SORBS2: variants seen among roughly 807,000 people sequenced by gnomAD.
SORBS2 encodes the protein sorbin and SH3 domain containing 2.
SORBS2 carries 46 observed loss-of-function variants against 97.7 expected under a neutral mutation model. The observed-to-expected ratio is 0.47, with a 90% CI of 0.37 to 0.60. SORBS2 has a LOEUF of 0.60. Among genes scored for constraint, SORBS2 ranks in the 20% least tolerant of loss-of-function variants. The probability of loss-of-function intolerance (pLI) is 0.00; values close to 1 mark genes in which losing one functional copy is unlikely to be tolerated. For synonymous variants in SORBS2, 476 were observed against 473.4 expected (o/e 1.01, Z -0.07); for missense variants, 1,316 against 1,282.3 (o/e 1.03, Z -0.40).
intron 1 of SORBS2, among the ~76,000 whole-genome samples, chr4:185,849,878 C>T (rs1313307797): frequency 6.6e-6 from 1 of 152,156 alleles, no homozygotes; most frequent in East Asian, 1.9e-4. Flanking sequence ...CAGTTCTAGG[C>T]TGCCAGAAAA....
At chr4:185,923,591 G>A (rs1430874826) in intron 1 of SORBS2, among the ~76,000 whole-genome samples, 1 of 148,866 alleles carries the variant, frequency 6.7e-6, no homozygotes, top group African/African-American at 2.5e-5. Context: ...GAACCACCGT[G>A]CCTGGCCAAT....
At chr4:185,829,560 C>T (rs1019897271) in intron 1 of SORBS2, among the ~76,000 whole-genome samples, 9 of 152,142 alleles carry the variant, frequency 5.9e-5, no homozygotes, top group South Asian at 2.1e-4. Flanking sequence ...TCCCCATCCC[C>T]GTTCCCACTA....
At chr4:185,612,814 G>A (rs1056828593) in intron 11 of SORBS2, among the ~76,000 whole-genome samples, 4 of 151,736 alleles carry the variant, frequency 2.6e-5, no homozygotes, top group African/African-American at 7.3e-5. Context: ...ATCTACATGC[G>A]CTAAGTAGTG....
chr4:185,649,734 C>A, intron 2 of SORBS2, 78 bp from the exon 12 acceptor site: 1 of 952,804 alleles, frequency 1.0e-6, no homozygotes, highest in South Asian at 3.9e-5. Flanking sequence ...TATTTGTCCC[C>A]CTCAAAATAG....
At chr4:185,910,080 G>A (rs937780101) in intron 1 of SORBS2, among the ~76,000 whole-genome samples, 1 of 151,894 alleles carries the variant, frequency 6.6e-6, no homozygotes, top group East Asian at 1.9e-4. Flanking sequence ...GAAAGGAAAT[G>A]TTAAGACACA....
At chr4:185,862,135 A>G (rs1206986360) in intron 1 of SORBS2, among the ~76,000 whole-genome samples, 4 of 151,414 alleles carry the variant, frequency 2.6e-5, no homozygotes, top group African/African-American at 7.3e-5. Context: ...GTGTATGTAT[A>G]TGTGTGTGTG....
chr4:185,690,598 A>G, intron 2 of SORBS2: 1 of 1,493,028 alleles, frequency 6.7e-7, no homozygotes, highest in Non-Finnish European at 9.1e-7. Flanking sequence ...TTGTTATTAA[A>G]GTCTTCAGTT....
Position 185,922,091 on chromosome 4 carries a change from C to T in SORBS2, c.-338+34105G>A, listed in dbSNP as rs548141182. Among the ~76,000 whole-genome samples, 101 of 152,336 alleles carry T rather than the reference C, an allele frequency of 6.6e-4. 1 individual carries two copies. The highest frequency in any genetic ancestry group is 2.3e-3 in the African/African-American group (96 of 41,576). On this transcript the variant is annotated intron_variant, in intron 1 of 20. Coordinates refer to the SORBS2 transcript ENST00000284776. ...TGAGCCCCTGATTTATTTACACTTGCCACAGCTCTAATCAGGCACATGGTA... is the reference window on the plus strand; with the variant it reads ...TGAGCCCCTGATTTATTTACACTTGTCACAGCTCTAATCAGGCACATGGTA...
At chr4:185,812,533 T>C (rs2099188562) in intron 1 of SORBS2, among the ~76,000 whole-genome samples, 1 of 152,228 alleles carries the variant, frequency 6.6e-6, no homozygotes, top group Non-Finnish European at 1.5e-5. Flanking sequence ...TCCAGGTTAA[T>C]AACATGCAAA....
chr4:185,940,326 G>A (rs2099271270), intron 1 of SORBS2, among the ~76,000 whole-genome samples: 1 of 152,152 alleles, frequency 6.6e-6, no homozygotes, highest in African/African-American at 2.4e-5. Flanking sequence ...CAGAATTACT[G>A]ATTTATTAAA....
chr4:185,884,765 G>A (rs140458802), intron 1 of SORBS2, among the ~76,000 whole-genome samples: 123 of 152,268 alleles, frequency 8.1e-4, no homozygotes, highest in African/African-American at 2.7e-3. Context: ...GACTTATATG[G>A]AGTCGGTGTA....
rs572358314 is a variant in SORBS2, at chr4:185,759,797, T to C, written c.-198+15430A>G. ...ATTGCCTGTAACAGGGTTCCTTAGT[T>C]ATAATTCTGTTAGTTGCTCTCATGG... On this transcript the variant is annotated intron_variant, in intron 2 of 20. Transcript: ENST00000284776. Among the ~76,000 whole-genome samples the C allele has an allele frequency of 2.0e-5, 3 of 152,318 alleles. No individual in the cohort carries two copies. The South Asian group carries it at 6.2e-4, about 32-fold the overall frequency.
At chr4:185,921,482 C>G (rs946935807) in intron 1 of SORBS2, among the ~76,000 whole-genome samples, 2 of 151,824 alleles carry the variant, frequency 1.3e-5, no homozygotes, top group Non-Finnish European at 2.9e-5. Flanking sequence ...TCCCTATTAT[C>G]CTGGAGGAAT....
At chr4:185,917,290 G>A (rs1232225431) in intron 1 of SORBS2, among the ~76,000 whole-genome samples, 4 of 152,272 alleles carry the variant, frequency 2.6e-5, no homozygotes, top group South Asian at 2.1e-4. Flanking sequence ...GCAGTGGCAC[G>A]ATCTCAGCTC....
chr4:185,833,841 C>A (rs1233343638), intron 1 of SORBS2, among the ~76,000 whole-genome samples: 1 of 152,012 alleles, frequency 6.6e-6, no homozygotes, highest in Non-Finnish European at 1.5e-5. Context: ...GGAAATAATT[C>A]GTTTCATATA....
intron 4 of SORBS2, chr4:185,677,780 T>A: frequency 4.2e-6 from 2 of 472,830 alleles, no homozygotes; most frequent in South Asian, 4.7e-5. Flanking sequence ...ATGCTATCCA[T>A]TTTGTTAGCT....
intron 4 of SORBS2, among the ~76,000 whole-genome samples, chr4:185,637,775 T>TGAA (rs2097046217): frequency 6.6e-6 from 1 of 152,086 alleles, no homozygotes; most frequent in Non-Finnish European, 1.5e-5. Flanking sequence ...ATACAAATCT[T>TGAA]CTATACAGCT....
At chr4:185,677,356 T>C in intron 4 of SORBS2, 1 of 1,552,404 alleles carries the variant, frequency 6.4e-7, no homozygotes, top group Non-Finnish European at 8.7e-7. Flanking sequence ...GGGGTGTTGA[T>C]GTTAGCGAAT....
intron 2 of SORBS2, among the ~76,000 whole-genome samples, chr4:185,730,216 G>A (rs2098604984): frequency 6.6e-6 from 1 of 151,514 alleles, no homozygotes; most frequent in African/African-American, 2.4e-5. Flanking sequence ...TTAATGATAT[G>A]GAAAAATATT....
Sources: gnomAD v4.1 joint callset for allele counts (sites outside exome capture counted in the v4.1 genomes callset) on GRCh38, gnomAD v4.1.1 for gene constraint, MANE v1.5 for transcripts, NCBI Gene and HGNC (gene_info 2026-07-23, HGNC 2026-07-21) for gene names.